VPS13C: variants seen among roughly 807,000 people sequenced by gnomAD.
VPS13C encodes intermembrane lipid transfer protein VPS13C.
A neutral mutation model predicts 456.8 loss-of-function variants in VPS13C; 358 were observed. The observed-to-expected ratio is 0.78, with a 90% confidence interval of 0.72 to 0.86. VPS13C has a LOEUF of 0.86. Among genes scored for constraint, VPS13C ranks in the 40% least tolerant of loss-of-function variants. The pLI is 0.00. For missense variants in VPS13C, 4,818 were observed against 4,385.4 expected, an observed-to-expected ratio of 1.10 and a Z score of -2.79; for synonymous variants, 1,578 against 1,486.7, an observed-to-expected ratio of 1.06 and a Z score of -1.41.
At chr15:61,862,959 T>C (rs1894306707) in intron 82 of VPS13C, among the ~76,000 whole-genome samples, 2 of 152,172 alleles carry the variant, frequency 1.3e-5, no homozygotes, top group Admixed American at 6.5e-5. Context: ...GGTAGTTTAC[T>C]ATAAGTTCTT....
chr15:62,047,094 A>C (rs550236810), intron 1 of VPS13C, among the ~76,000 whole-genome samples: 2 of 151,874 alleles, frequency 1.3e-5, no homozygotes, highest in Non-Finnish European at 2.9e-5. Context: ...TTTTTTCTAT[A>C]TCTAGTATTA....
chr15:61,941,459 C>T (rs1317085080), intron 46 of VPS13C, among the ~76,000 whole-genome samples: 1 of 151,934 alleles, frequency 6.6e-6, no homozygotes, highest in Non-Finnish European at 1.5e-5. Flanking sequence ...AAGGAAATAG[C>T]TACGTGCAAA....
rs1030209370 is a variant in VPS13C, at chr15:61,910,126, T to C, written c.8844+51A>G. 3.8e-6 allele frequency: 4 copies of C among 1,066,322 alleles called. No individual in the cohort carries two copies. The African/African-American group carries it at 5.1e-5, about 14-fold the overall frequency. The allele number at this position is 1,066,322 out of a possible 1,614,324, so 66.1% of individuals were successfully genotyped here. A position where few individuals can be genotyped will look rare whatever the true frequency, so the allele number is the denominator to read the frequency against. ...ATGTACCCTAGAACTTAAAGTATAATAAAAAATTAAATAAATAAAAATAAA... is the reference window on the plus strand; with the variant it reads ...ATGTACCCTAGAACTTAAAGTATAACAAAAAATTAAATAAATAAAAATAAA... On this transcript the variant is annotated intron_variant, in intron 64 of 84. Transcript: ENST00000644861.
chr15:61,919,586 A>G, intron 57 of VPS13C, 137 bp from the exon 58 acceptor site: 1 of 933,246 alleles, frequency 1.1e-6, no homozygotes, highest in East Asian at 3.2e-5. Flanking sequence ...TGCTTTTCTA[A>G]GACATAAACT....
In VPS13C at chr15:61,854,313, C is replaced by G; in HGVS notation, c.*144G>C. On this transcript the variant is annotated 3_prime_UTR_variant, in exon 85 of 85. Transcript: ENST00000644861. Reference sequence around the variant, plus strand: ...GAGTAAAAACTAAAAGGTGAAAAAACTAGAAAACCCAATACTAGCTATTCC... The same window carrying G: ...GAGTAAAAACTAAAAGGTGAAAAAAGTAGAAAACCCAATACTAGCTATTCC... 1 of 769,514 alleles carries G rather than the reference C, an allele frequency of 1.3e-6. No individual in the cohort carries two copies. Among genetic ancestry groups the G allele is most frequent in the Admixed American group, 2.4e-5 (1 of 41,634 alleles). The allele number at this position is 769,514 out of a possible 1,614,324, so 47.7% of individuals were successfully genotyped here. A position where few individuals can be genotyped will look rare whatever the true frequency, so the allele number is the denominator to read the frequency against.
chr15:61,854,955 C>T lies in VPS13C; in HGVS notation c.11077-1G>A. The T allele has an allele frequency of 1.3e-6, 2 of 1,586,188 alleles. No individual in the cohort carries two copies. The highest frequency in any genetic ancestry group is 1.2e-5 in the South Asian group (1 of 85,496). ...CTTTTTTGTGGAACAGACCCTGTTC[C>T]TGTTTCAAAAGAAACAATGACAGAA... On this transcript the variant is annotated splice_acceptor_variant, in intron 83 of 84. Coordinates refer to ENST00000644861, the MANE Select transcript of VPS13C (RefSeq NM_020821.3). LOFTEE classifies it high-confidence loss of function.
At position 61,962,875 on chromosome 15, in the gene VPS13C, A is replaced by G. The variant is rs182878956; in HGVS notation, c.3332-23T>C. On this transcript the variant is annotated intron_variant, in intron 32 of 84. Coordinates refer to ENST00000644861, the MANE Select transcript of VPS13C (RefSeq NM_020821.3). ...GTCCTGAAAAAAAGAGTGTATTATT[A>G]TAATTTCTACAGACCTACCATAAAT... is the stretch of plus-strand genomic sequence containing the variant. 5.6e-4 allele frequency: 848 copies of G among 1,503,872 alleles called. 3 individuals carry two copies. The African/African-American group carries it at 0.011, about 19-fold the overall frequency. 93.2% of individuals were successfully genotyped at this position (1,503,872 alleles called of 1,614,324 possible). A position where few individuals can be genotyped will look rare whatever the true frequency, so the allele number is the denominator to read the frequency against.
At chr15:62,008,271 C>T (rs778493127) in intron 14 of VPS13C, among the ~76,000 whole-genome samples, 13 of 151,750 alleles carry the variant, frequency 8.6e-5, no homozygotes, top group Non-Finnish European at 1.5e-4. Context: ...CGTGGTTGCA[C>T]ACCCCGTACC....
chr15:61,929,109 T>G (rs536665027), intron 51 of VPS13C, among the ~76,000 whole-genome samples: 10 of 152,332 alleles, frequency 6.6e-5, no homozygotes, highest in Admixed American at 6.5e-4. Context: ...GAAGTCCTGC[T>G]GGGTCCTCCA....
At position 61,880,635 on chromosome 15, in the gene VPS13C, C is replaced by A; in HGVS notation, c.9976G>T (p.Glu3326Ter). The change falls in exon 73 of 85, where the codon GAA (glutamate) becomes TAA (stop). Residue 3326 changes from glutamate (E) to a stop codon, truncating the protein, a stop_gained. Transcript: ENST00000644861. LOFTEE classifies it high-confidence loss of function. ...MTDMSILSFFEHFHISPVKLH... is the reference protein window; with the variant it reads ...MTDMSILSFF ...TTCACAGGAGAAATATGGAAATGTT[C>A]AAAGAAACTAAGAATTGACATATCA... The A allele has an allele frequency of 6.3e-7, 1 of 1,588,910 alleles. No homozygotes were observed.
chr15:61,931,128 A>C lies in VPS13C; in HGVS notation c.6000T>G (p.Leu2000=). The C allele has an allele frequency of 1.9e-6, 3 of 1,614,100 alleles. No homozygotes were observed. The highest frequency in any genetic ancestry group is 2.5e-6 in the Non-Finnish European group (3 of 1,180,018). The change falls in exon 50 of 85, where the codon CTT becomes CTG. Residue 2000 remains leucine, a synonymous_variant. Transcript: ENST00000644861. ...NVSVKLKTCT[L]DDLREGIERA... ...TCTCAATTCCTTCTCTGAGATCATC[A>C]AGGGTGCATGTCTTAAGTTTAACGC...
intron 9 of VPS13C, among the ~76,000 whole-genome samples, chr15:62,019,171 T>G (rs2047367267): frequency 6.6e-6 from 1 of 152,210 alleles, no homozygotes; most frequent in Non-Finnish European, 1.5e-5. Context: ...TATCTGATTC[T>G]TCTCTCTTTT....
chr15:61,940,820 T>C, intron 46 of VPS13C, 26 bp from the exon 47 acceptor site: 1 of 1,598,462 alleles, frequency 6.3e-7, no homozygotes, highest in Non-Finnish European at 8.5e-7. Context: ...GAATTTATTT[T>C]TTACTTCAAA....
intron 82 of VPS13C, among the ~76,000 whole-genome samples, chr15:61,860,945 TTTTC>T (rs1255217901): frequency 2.0e-5 from 3 of 150,104 alleles, no homozygotes; most frequent in South Asian, 2.1e-4. Flanking sequence ...TGGTTAGTTA[TTTTC>T]TTTCTTTTTT....
Position 61,917,563 on chromosome 15 carries a change from C to A in VPS13C, c.7833G>T (p.Trp2611Cys). The change falls in exon 60 of 85, where the codon TGG becomes TGT. Residue 2611 changes from tryptophan (W) to cysteine (C), a missense_variant. Trp to Cys is a radical substitution (Grantham distance 215). Coordinates refer to ENST00000644861, the MANE Select transcript of VPS13C (RefSeq NM_020821.3). ...CCCTGCTCCTATGAAGTTCTTCCTT[C>A]CAGGAAATATAAGTGGTAGATTCTT... The part of the protein sequence containing the change: ...QYKESTTYIS[W>C]KEELHRSREV... The A allele has an allele frequency of 6.2e-7, 1 of 1,613,932 alleles. No individual in the cohort carries two copies. The highest frequency in any genetic ancestry group is 8.5e-7 in the Non-Finnish European group (1 of 1,179,880).
intron 66 of VPS13C, among the ~76,000 whole-genome samples, chr15:61,902,669 A>C (rs750797995): frequency 6.6e-6 from 1 of 152,216 alleles, no homozygotes; most frequent in African/African-American, 2.4e-5. Context: ...AAAGTTCTCA[A>C]CAAACTAGGC....
rs1201414326 is a variant in VPS13C, at chr15:61,854,920, T to C, written c.11111A>G (p.Asn3704Ser). 3.1e-6 allele frequency: 5 copies of C among 1,613,476 alleles called. No individual in the cohort carries two copies. Among genetic ancestry groups the C allele is most frequent in the South Asian group, 2.2e-5 (2 of 90,956 alleles). Residue 3704 changes from asparagine (N) to serine (S), a missense_variant, in exon 84 of 85, where the codon AAT becomes AGT. By Grantham distance (46) the Asn-to-Ser change is conservative. Coordinates refer to ENST00000644861, the MANE Select transcript of VPS13C (RefSeq NM_020821.3). ...QGLFHKKDSA[N>S]QGCVRKVYLK... ...GTAAACTTTTCGAACACAGCCTTGATTGGCACTGTCTTTTTTGTGGAACAG... is the reference window on the plus strand; with the variant it reads ...GTAAACTTTTCGAACACAGCCTTGACTGGCACTGTCTTTTTTGTGGAACAG...
intron 57 of VPS13C, 131 bp downstream of exon 57, chr15:61,919,936 G>C: frequency 2.3e-6 from 2 of 875,410 alleles, no homozygotes; most frequent in Non-Finnish European, 3.2e-6. Flanking sequence ...AGAAACAAGA[G>C]GTTAGCAATT....
At chr15:61,938,401 G>A (rs2044300066) in intron 47 of VPS13C, among the ~76,000 whole-genome samples, 1 of 152,078 alleles carries the variant, frequency 6.6e-6, no homozygotes, top group Non-Finnish European at 1.5e-5. Context: ...CTGCAGCCCA[G>A]ACCAGGGAAA....
Sources: gnomAD v4.1 joint callset for allele counts (sites outside exome capture counted in the v4.1 genomes callset) on GRCh38, gnomAD v4.1.1 for gene constraint, MANE v1.5 for transcripts, NCBI Gene and HGNC (gene_info 2026-07-23, HGNC 2026-07-21) for gene names.